Variants in TDRD9 observed in about 807,000 individuals in gnomAD.
TDRD9 encodes tudor domain containing 9, also known as ATP-dependent RNA helicase TDRD9.
TDRD9 carries 124 observed loss-of-function variants against 172.6 expected under a neutral mutation model. That is an observed-to-expected ratio of 0.72 (90% confidence interval 0.62 to 0.83). TDRD9 has a LOEUF of 0.83. TDRD9 is among the 40% of genes least tolerant of loss of function. The pLI is 0.00. For missense variants in TDRD9, 1,479 were observed against 1,714.1 expected (o/e 0.86, Z 2.42); for synonymous variants, 619 against 617.1 (o/e 1.00, Z -0.05).
chr14:103,985,157 G>C (rs2033614930), intron 7 of TDRD9, among the ~76,000 whole-genome samples: 1 of 152,180 alleles, frequency 6.6e-6, no homozygotes, highest in South Asian at 2.1e-4. Flanking sequence ...TTAAGACTTT[G>C]TGGGGACTGT....
At chr14:103,974,517 C>T (rs779796631) in intron 6 of TDRD9, among the ~76,000 whole-genome samples, 3 of 152,224 alleles carry the variant, frequency 2.0e-5, no homozygotes, top group Non-Finnish European at 4.4e-5. Flanking sequence ...GCACCACTGT[C>T]GTCCTGGGAC....
In TDRD9 at chr14:103,965,415, A is replaced by G. The variant is rs1313778861; in HGVS notation, c.503A>G (p.Tyr168Cys). The change falls in exon 4 of 36, where the codon TAT becomes TGT. Residue 168 changes from tyrosine to cysteine, a missense_variant. By Grantham distance (194) the Tyr-to-Cys change is radical. Around this residue, in one of 3 missense-constraint regions of TDRD9, gnomAD observed 1,413 missense variants for 1,649.1 expected, o/e 0.86. Coordinates refer to ENST00000409874, the MANE Select transcript of TDRD9 (RefSeq NM_153046.3). Reference sequence around the variant, plus strand: ...GGTAAAAGCACTCAGCTCCCGCAGTATATCTTGGACCACTACGTTCAGCGC... The same window carrying G: ...GGTAAAAGCACTCAGCTCCCGCAGTGTATCTTGGACCACTACGTTCAGCGC... Reference protein sequence around the residue: ...GSGKSTQLPQYILDHYVQRSA... With the variant: ...GSGKSTQLPQCILDHYVQRSA... 3.9e-6 allele frequency: 6 copies of G among 1,551,692 alleles called. No homozygotes were observed. The highest frequency in any genetic ancestry group is 3.6e-5 in the South Asian group (3 of 84,048).
chr14:104,027,022 T>C, intron 28 of TDRD9, 83 bp downstream of exon 28: 1 of 1,449,900 alleles, frequency 6.9e-7, no homozygotes, highest in African/African-American at 1.4e-5. Context: ...GACCCTGAGA[T>C]AGGAGGAGGC....
In TDRD9 at chr14:104,024,588, A is replaced by G; in HGVS notation, c.2626A>G (p.Lys876Glu). ...RNTRVNVDFQ[K>E]QTVDPMQVSF... ...ATGTAGGGTGAATGTGGACTTCCAG[A>G]AGCAGACGGTAGATCCTATGCAAGT... The change falls in exon 25 of 36, where the codon AAG becomes GAG. Residue 876 changes from lysine (K) to glutamate (E), a missense_variant. Around this residue, in one of 3 missense-constraint regions of TDRD9, gnomAD observed 1,413 missense variants for 1,649.1 expected, o/e 0.86. Coordinates refer to ENST00000409874, the MANE Select transcript of TDRD9 (RefSeq NM_153046.3). 6.2e-7 allele frequency: 1 copy of G among 1,608,012 alleles called. No homozygotes were observed. The highest frequency in any genetic ancestry group is 8.5e-7 in the Non-Finnish European group (1 of 1,177,370).
intron 30 of TDRD9, 128 bp downstream of exon 30, chr14:104,032,215 CTTTTT>C (rs1297116984): frequency 6.7e-6 from 3 of 446,178 alleles, no homozygotes; most frequent in Admixed American, 5.3e-5. Flanking sequence ...CTTTTCTTTT[CTTTTT>C]TTTTGAGACA....
intron 1 of TDRD9, among the ~76,000 whole-genome samples, chr14:103,952,727 C>CTTT (rs1681298094): frequency 2.3e-5 from 2 of 86,544 alleles, no homozygotes; most frequent in Non-Finnish European, 4.6e-5. Context: ...GGAATTCTCT[C>CTTT]TCTTTTTTTT....
chr14:104,004,675 A>G (rs2152216322), intron 14 of TDRD9, among the ~76,000 whole-genome samples: 1 of 152,244 alleles, frequency 6.6e-6, no homozygotes, highest in African/African-American at 2.4e-5. Context: ...TAGTTTTGCC[A>G]AATAGTCTAA....
chr14:104,014,195 C>T (rs867733946), intron 20 of TDRD9, among the ~76,000 whole-genome samples: 2 of 147,892 alleles, frequency 1.4e-5, no homozygotes, highest in Non-Finnish European at 3.0e-5. Flanking sequence ...GATCGCGCCA[C>T]TGCACTCCAG....
chr14:103,945,274 C>A (rs1427820508), intron 1 of TDRD9: 1 of 152,206 alleles, frequency 6.6e-6, no homozygotes, highest in African/African-American at 2.4e-5. Flanking sequence ...CCTTTCTTGC[C>A]ATTGAAACCA....
intron 1 of TDRD9, among the ~76,000 whole-genome samples, chr14:103,950,180 C>G (rs1245518911): frequency 6.6e-6 from 1 of 151,100 alleles, no homozygotes; most frequent in Non-Finnish European, 1.5e-5. Flanking sequence ...ACCTCCGCCT[C>G]CCAGGTTCAA....
chr14:104,026,197 T>A, intron 27 of TDRD9, 61 bp downstream of exon 27: 9 of 1,173,382 alleles, frequency 7.7e-6, no homozygotes, highest in Non-Finnish European at 1.0e-5. Context: ...CCTGGGTGGA[T>A]TCCTGGGTCA....
chr14:104,035,920 T>C (rs1408291197), intron 32 of TDRD9, among the ~76,000 whole-genome samples: 1 of 152,150 alleles, frequency 6.6e-6, no homozygotes, highest in Non-Finnish European at 1.5e-5. Context: ...CCCCACCGTT[T>C]ACTCAGTCCT....
chr14:104,031,115 A>G lies in TDRD9; in HGVS notation c.3290A>G (p.His1097Arg), dbSNP rs1187232787. The change falls in exon 29 of 36, where the codon CAT becomes CGT. Residue 1097 changes from histidine (H) to arginine (R), a missense_variant. Physicochemically the swap from His to Arg is conservative, Grantham distance 29 (BLOSUM62 0). Coordinates refer to ENST00000409874, the MANE Select transcript of TDRD9 (RefSeq NM_153046.3). Reference sequence around the variant, plus strand: ...CTTTTCTTGTTTGTTCAGCAAAGCCATGAAGTTCTCAAGGGCCTCTTTTCC... The same window carrying G: ...CTTTTCTTGTTTGTTCAGCAAAGCCGTGAAGTTCTCAAGGGCCTCTTTTCC... ...TEESYESKQS[H>R]EVLKGLFSKS... 3 of 1,549,650 alleles carry G rather than the reference A, an allele frequency of 1.9e-6. No homozygotes were observed. Among genetic ancestry groups the G allele is most frequent in the South Asian group, 1.2e-5 (1 of 83,414 alleles).
intron 7 of TDRD9, 32 bp from the exon 8 acceptor site, chr14:103,986,185 G>A (rs182639660): frequency 7.7e-6 from 12 of 1,562,606 alleles, no homozygotes; most frequent in Admixed American, 5.1e-5. Flanking sequence ...TCCTGTTTTC[G>A]TATTGCGACT....
chr14:104,041,960 C>G, intron 33 of TDRD9, 109 bp from the exon 34 acceptor site: 2 of 759,810 alleles, frequency 2.6e-6, no homozygotes, highest in Non-Finnish European at 4.4e-6. Context: ...AGTGGATAAA[C>G]CATACTGATG....
chr14:104,028,548 T>A (rs1452990630), intron 28 of TDRD9, among the ~76,000 whole-genome samples: 1 of 152,134 alleles, frequency 6.6e-6, no homozygotes, highest in Non-Finnish European at 1.5e-5. Context: ...ATTTGCTTTT[T>A]TGCTGTTTGA....
chr14:104,010,638 A>G (rs1440651054), intron 20 of TDRD9, among the ~76,000 whole-genome samples: 1 of 150,530 alleles, frequency 6.6e-6, no homozygotes, highest in African/African-American at 2.5e-5. Context: ...AGGAGTATAT[A>G]CTCTGAAATA....
intron 13 of TDRD9, among the ~76,000 whole-genome samples, chr14:104,002,172 T>G (rs942356962): frequency 5.9e-5 from 9 of 151,456 alleles, no homozygotes; most frequent in African/African-American, 2.2e-4. Context: ...ATACAAAAAT[T>G]AGTCAACCAT....
intron 1 of TDRD9, among the ~76,000 whole-genome samples, chr14:103,930,635 T>C (rs545079931): frequency 6.6e-6 from 1 of 152,282 alleles, no homozygotes; most frequent in East Asian, 1.9e-4. Context: ...CTTAGAGGCA[T>C]AGGGGGGACC....
Sources: gnomAD v4.1 joint callset for allele counts (sites outside exome capture counted in the v4.1 genomes callset) on GRCh38, gnomAD v4.1.1 for gene constraint, gnomAD v4.1.1 regional missense constraint, MANE v1.5 for transcripts, NCBI Gene and HGNC (gene_info 2026-07-23, HGNC 2026-07-21) for gene names.